Variants in TRPM3 observed in about 807,000 individuals in gnomAD.
TRPM3 encodes the protein long transient receptor potential channel 3.
TRPM3 carries 77 observed loss-of-function variants against 181.2 expected under a neutral mutation model. The observed-to-expected ratio is 0.42, with a 90% CI of 0.35 to 0.51. The LOEUF is 0.51. Ranked by LOEUF, TRPM3 falls within the 20% of genes least tolerant of loss-of-function variation. The probability of loss-of-function intolerance (pLI) is 0.01; values close to 1 mark genes in which losing one functional copy is unlikely to be tolerated. For missense variants in TRPM3, 1,759 were observed against 2,196.7 expected (o/e 0.80, Z 3.98); for synonymous variants, 745 against 796.4 (o/e 0.94, Z 1.09).
At chr9:71,200,429 G>T (rs2078704361) in intron 1 of TRPM3, among the ~76,000 whole-genome samples, 1 of 150,630 alleles carries the variant, frequency 6.6e-6, no homozygotes, top group African/African-American at 2.4e-5. Context: ...GGGTATCCTT[G>T]TTAACTTTCT....
At chr9:70,945,404 T>TAAATG (rs2096923363) in intron 1 of TRPM3, among the ~76,000 whole-genome samples, 1 of 152,178 alleles carries the variant, frequency 6.6e-6, no homozygotes, top group Non-Finnish European at 1.5e-5. Flanking sequence ...ATTTGTCAAA[T>TAAATG]AAATGAACTA....
At chr9:70,542,016 G>A (rs1400837942) in intron 25 of TRPM3, among the ~76,000 whole-genome samples, 1 of 152,164 alleles carries the variant, frequency 6.6e-6, no homozygotes, top group Non-Finnish European at 1.5e-5. Context: ...AGCTACTCGG[G>A]AGGCTGAGGT....
chr9:70,759,230 A>G (rs11142568), intron 8 of TRPM3, among the ~76,000 whole-genome samples: 30,277 of 152,218 alleles, frequency 0.2, 4,350 homozygotes, highest in African/African-American at 0.4. Flanking sequence ...ACATATGGAA[A>G]AAAGCTCATC....
At chr9:70,646,458 C>A (rs904812547) in intron 9 of TRPM3, among the ~76,000 whole-genome samples, 4 of 152,066 alleles carry the variant, frequency 2.6e-5, no homozygotes, top group Non-Finnish European at 5.9e-5. Context: ...TCTCAGCAAA[C>A]TAACACAGGA....
chr9:70,633,034 A>C (rs1475510426), intron 12 of TRPM3, among the ~76,000 whole-genome samples: 2 of 152,190 alleles, frequency 1.3e-5, no homozygotes, highest in Non-Finnish European at 2.9e-5. Context: ...TGAAAATTAG[A>C]CAAGACCTTA....
intron 1 of TRPM3, among the ~76,000 whole-genome samples, chr9:71,166,866 A>G (rs2076566116): frequency 6.6e-6 from 1 of 152,220 alleles, no homozygotes; most frequent in Non-Finnish European, 1.5e-5. Context: ...AATGGGATGC[A>G]TAGATTGAAA....
At chr9:71,183,390 T>C (rs541999435) in intron 1 of TRPM3, among the ~76,000 whole-genome samples, 2 of 152,282 alleles carry the variant, frequency 1.3e-5, no homozygotes, top group South Asian at 2.1e-4. Flanking sequence ...AGTGTGTCAA[T>C]GCTGGAGGCA....
At chr9:71,146,191 T>C (rs2075396858) in intron 1 of TRPM3, among the ~76,000 whole-genome samples, 1 of 152,206 alleles carries the variant, frequency 6.6e-6, no homozygotes, top group Admixed American at 6.5e-5. Context: ...TCGTTTTTAA[T>C]GTGGGTACAC....
chr9:70,812,337 A>G (rs117410005), intron 6 of TRPM3, among the ~76,000 whole-genome samples: 2 of 152,278 alleles, frequency 1.3e-5, no homozygotes, highest in East Asian at 3.9e-4. Context: ...TGAAACATCA[A>G]CATCACTTGG....
chr9:71,096,101 C>G (rs538484233), intron 1 of TRPM3, among the ~76,000 whole-genome samples: 2 of 151,720 alleles, frequency 1.3e-5, no homozygotes, highest in South Asian at 4.2e-4. Context: ...TTCTGGAGGA[C>G]GAAGTATGAT....
At chr9:71,241,151 G>A (rs960472970) in intron 1 of TRPM3, among the ~76,000 whole-genome samples, 6 of 152,064 alleles carry the variant, frequency 3.9e-5, no homozygotes, top group Admixed American at 1.3e-4. Flanking sequence ...CTAATAGTTC[G>A]TCTAAGTGCA....
intron 5 of TRPM3, among the ~76,000 whole-genome samples, chr9:70,837,610 A>G (rs1251273032): frequency 6.6e-6 from 1 of 152,240 alleles, no homozygotes; most frequent in East Asian, 1.9e-4. Context: ...CATTTACCTG[A>G]CACAAATCTG....
chr9:71,394,677 G>A (rs1455913534), intron 1 of TRPM3, among the ~76,000 whole-genome samples: 1 of 152,126 alleles, frequency 6.6e-6, no homozygotes, highest in African/African-American at 2.4e-5. Context: ...ATCTGCCTAT[G>A]TCACACAATC....
Position 70,625,090 on chromosome 9 carries a change from T to G in TRPM3, c.1809+101A>C. 7.4e-7 allele frequency: 1 copy of G among 1,357,770 alleles called. No homozygotes were observed. Among genetic ancestry groups the G allele is most frequent in the Non-Finnish European group, 1.0e-6 (1 of 1,003,654 alleles). The allele number at this position is 1,357,770 out of a possible 1,614,324, so 84.1% of individuals were successfully genotyped here. ...TTGTTTAGGTTCACTCTCAGCGCAATTTTCTGATTTTAATTCCCCTTGGAG... is the reference window on the plus strand; with the variant it reads ...TTGTTTAGGTTCACTCTCAGCGCAAGTTTCTGATTTTAATTCCCCTTGGAG... On this transcript the variant is annotated intron_variant, in intron 14 of 25. Coordinates refer to ENST00000677713, the MANE Select transcript of TRPM3 (RefSeq NM_001366145.2). The surrounding 1 kb of genome is among the most constrained non-coding windows in gnomAD (Gnocchi z 4.8).
At chr9:71,187,942 G>A (rs2077780658) in intron 1 of TRPM3, among the ~76,000 whole-genome samples, 1 of 69,602 alleles carries the variant, frequency 1.4e-5, no homozygotes, top group African/African-American at 4.5e-5. Flanking sequence ...TAGATAGATA[G>A]ATAGATAGAT....
At chr9:70,856,899 G>C (rs2095403852) in intron 3 of TRPM3, among the ~76,000 whole-genome samples, 1 of 152,088 alleles carries the variant, frequency 6.6e-6, no homozygotes, top group South Asian at 2.1e-4. Context: ...TTAATTGGAA[G>C]AGATGACTAG....
At chr9:70,914,225 A>C (rs963582076) in intron 1 of TRPM3, among the ~76,000 whole-genome samples, 6 of 152,182 alleles carry the variant, frequency 3.9e-5, no homozygotes, top group African/African-American at 1.4e-4. Context: ...CCACCATGTG[A>C]GGACACAGCA....
rs1296793902 is a variant in TRPM3 at position 70,568,219 on chromosome 9, A to AT, written c.3224-14910dup. On this transcript the variant is annotated intron_variant, in intron 22 of 25. Transcript: ENST00000677713. ...CACAGACACAAGGCAAATGGCTGAG[A>AT]TTTTTTTATATGATCTTCAAATAGG... is the stretch of plus-strand genomic sequence containing the variant. Among the ~76,000 whole-genome samples, 15 of 151,660 alleles carry AT rather than the reference A, an allele frequency of 9.9e-5. No homozygotes were observed. The East Asian group carries it at 2.1e-3, about 21-fold the overall frequency.
chr9:71,445,558 C>T (rs1382937309), intron 1 of TRPM3, among the ~76,000 whole-genome samples: 2 of 152,054 alleles, frequency 1.3e-5, no homozygotes, highest in African/African-American at 4.8e-5. Flanking sequence ...ATAAACACAC[C>T]AAAAATTTCA....
Sources: allele counts gnomAD v4.1 joint callset (sites outside exome capture counted in the v4.1 genomes callset), GRCh38; gene constraint gnomAD v4.1.1; non-coding constraint Gnocchi (gnomAD v3.1); transcripts MANE v1.5; gene names NCBI Gene and HGNC (gene_info 2026-07-23, HGNC 2026-07-21).